The following TANGO6 variants were observed in gnomAD, a reference collection of about 807,000 sequenced individuals.
TANGO6 encodes the protein transport and golgi organization 6 homolog.
A neutral mutation model predicts 114.2 loss-of-function variants in TANGO6; 90 were observed. That is an observed-to-expected ratio of 0.79 (90% CI 0.66 to 0.94). The LOEUF is 0.94. Among genes scored for constraint, TANGO6 ranks in the 40% least tolerant of loss-of-function variants. The pLI is 0.00. For synonymous variants in TANGO6, 477 were observed against 509.8 expected (o/e 0.94, Z 0.87); for missense variants, 1,274 against 1,315.3 (o/e 0.97, Z 0.49).
intron 14 of TANGO6, chr16:68,948,250 T>G (rs1416328074): frequency 6.6e-6 from 1 of 152,216 alleles, no homozygotes; most frequent in African/African-American, 2.4e-5. Flanking sequence ...TGTTAGCTAT[T>G]TTCACTTTCC....
intron 4 of TANGO6, 38 bp from the exon 5 acceptor site, chr16:68,875,116 T>C (rs1296301333): frequency 3.7e-5 from 58 of 1,572,748 alleles, no homozygotes; most frequent in Non-Finnish European, 4.7e-5. Flanking sequence ...CTGTGGGGAA[T>C]TGCTGTGAGC....
At chr16:69,079,899 G>A (rs1448457819) in intron 17 of TANGO6, among the ~76,000 whole-genome samples, 5 of 152,152 alleles carry the variant, frequency 3.3e-5, no homozygotes, top group Non-Finnish European at 5.9e-5. Flanking sequence ...AGATATACTT[G>A]TACATGTCTG....
intron 17 of TANGO6, among the ~76,000 whole-genome samples, chr16:69,069,090 C>T (rs1038639243): frequency 6.6e-6 from 1 of 152,096 alleles, no homozygotes; most frequent in Non-Finnish European, 1.5e-5. Flanking sequence ...ATTTTATAGA[C>T]GAGATCACTG....
chr16:68,877,674 C>A (rs1962387166), intron 5 of TANGO6, among the ~76,000 whole-genome samples: 1 of 151,626 alleles, frequency 6.6e-6, no homozygotes, highest in Non-Finnish European at 1.5e-5. Context: ...GTGGCGCGAT[C>A]TCCGCTCACT....
At position 69,075,418 on chromosome 16, in the gene TANGO6, AACAGTAGAAACTCT is replaced by A. The variant is rs903006163; in HGVS notation, c.3109-8063_3109-8050del. The stretch of plus-strand genomic sequence containing the variant: ...TGCATATGTATTTCCTTCTTAGCAG[AACAGTAGAAACTCT>A]ACACAACACGAATTCAACTTTTATT... On this transcript the variant is annotated intron_variant, in intron 17 of 17. Transcript: ENST00000261778. 9.2e-5 allele frequency among the ~76,000 whole-genome samples: 14 copies of A among 152,040 alleles called. No homozygotes were observed. In the East Asian group the frequency reaches 1.5e-3, roughly 17 times the overall value.
intron 4 of TANGO6, among the ~76,000 whole-genome samples, chr16:68,870,856 C>T (rs1197658196): frequency 3.3e-5 from 5 of 151,394 alleles, no homozygotes; most frequent in Non-Finnish European, 5.9e-5. Context: ...TCTCGGCTCA[C>T]TGCAACCTCT....
intron 17 of TANGO6, among the ~76,000 whole-genome samples, chr16:69,051,939 T>C (rs996478294): frequency 2.6e-5 from 4 of 151,238 alleles, no homozygotes; most frequent in African/African-American, 9.7e-5. Context: ...TTTCTTTCTT[T>C]CTTTTTCTTT....
At chr16:68,898,813 A>G (rs531423802) in intron 7 of TANGO6, among the ~76,000 whole-genome samples, 1 of 152,150 alleles carries the variant, frequency 6.6e-6, no homozygotes, top group East Asian at 1.9e-4. Context: ...TTCTCTTTTT[A>G]CCATTATCAC....
chr16:68,891,103 C>T lies in TANGO6; in HGVS notation c.1378-9331C>T, dbSNP rs1044864975. Among the ~76,000 whole-genome samples the T allele has an allele frequency of 4.6e-5, 7 of 151,262 alleles. 1 individual carries two copies. ...GGTCAGGAGTTCAAGATCAGCCTGG[C>T]CAACGTGGTGAAACCCCATCTCTAC... On this transcript the variant is annotated intron_variant, in intron 7 of 17. Coordinates refer to ENST00000261778, the MANE Select transcript of TANGO6 (RefSeq NM_024562.2).
At chr16:69,033,006 T>G (rs1959623911) in intron 16 of TANGO6, among the ~76,000 whole-genome samples, 1 of 151,688 alleles carries the variant, frequency 6.6e-6, no homozygotes, top group Non-Finnish European at 1.5e-5. Context: ...GTCAACATGG[T>G]GAAACCCCAT....
intron 15 of TANGO6, among the ~76,000 whole-genome samples, chr16:68,985,570 G>A (rs1963881440): frequency 6.6e-6 from 1 of 152,042 alleles, no homozygotes; most frequent in Non-Finnish European, 1.5e-5. Flanking sequence ...AATTAGCTGG[G>A]GGTGTGGTGG....
At position 69,061,085 on chromosome 16, in the gene TANGO6, A is replaced by G. The variant is rs79190584; in HGVS notation, c.3108+20664A>G. Among the ~76,000 whole-genome samples, 67 of 152,304 alleles carry G rather than the reference A, an allele frequency of 4.4e-4. No homozygotes were observed. The East Asian group carries it at 0.013, about 29-fold the overall frequency. On this transcript the variant is annotated intron_variant, in intron 17 of 17. Coordinates refer to ENST00000261778, the MANE Select transcript of TANGO6 (RefSeq NM_024562.2). ...GTTTCCCAAGAGCAAAAGTTGCCTC[A>G]ACAAGTTTTCTTAAGATCTCTTAAG...
intron 12 of TANGO6, among the ~76,000 whole-genome samples, chr16:68,926,631 G>A (rs147303698): frequency 0.084 from 12,673 of 151,496 alleles, 591 homozygotes; most frequent in African/African-American, 0.13. Context: ...GGGTTTAAGC[G>A]ATTCTCCTGC....
chr16:68,982,629 C>CATTTTTTTTTTTTTTTTTTTTTT (rs1567553024), intron 15 of TANGO6, among the ~76,000 whole-genome samples: 1 of 120,536 alleles, frequency 8.3e-6, no homozygotes, highest in African/African-American at 4.0e-5. Context: ...CATGCCCTGG[C>CATTTTTTTTTTTTTTTTTTTTTT]CTTTTTTTTT....
At chr16:68,912,686 A>C (rs1962939983) in intron 11 of TANGO6, among the ~76,000 whole-genome samples, 1 of 152,010 alleles carries the variant, frequency 6.6e-6, no homozygotes, top group Non-Finnish European at 1.5e-5. Flanking sequence ...TAATGTAAAA[A>C]ATAGGGACTT....
At chr16:68,956,221 A>G (rs1011174395) in intron 14 of TANGO6, among the ~76,000 whole-genome samples, 4 of 152,226 alleles carry the variant, frequency 2.6e-5, no homozygotes, top group Non-Finnish European at 5.9e-5. Flanking sequence ...TAAAAGCATT[A>G]AAGAGCTCAT....
chr16:68,935,802 C>T (rs1007490449), intron 14 of TANGO6, among the ~76,000 whole-genome samples: 1 of 152,098 alleles, frequency 6.6e-6, no homozygotes, highest in Non-Finnish European at 1.5e-5. Flanking sequence ...AATATATTCT[C>T]AATGTTTTTA....
intron 15 of TANGO6, among the ~76,000 whole-genome samples, chr16:69,016,987 G>A (rs925254607): frequency 6.6e-6 from 1 of 152,174 alleles, no homozygotes; most frequent in African/African-American, 2.4e-5. Flanking sequence ...ATGACACATG[G>A]TTTCAACGTT....
intron 14 of TANGO6, among the ~76,000 whole-genome samples, chr16:68,940,073 C>T (rs1835068264): frequency 6.7e-6 from 1 of 150,304 alleles, no homozygotes; most frequent in African/African-American, 2.4e-5. Flanking sequence ...TCTTTCCCTT[C>T]TTTCCTTTCT....
Sources: allele counts gnomAD v4.1 joint callset (sites outside exome capture counted in the v4.1 genomes callset), GRCh38; gene constraint gnomAD v4.1.1; transcripts MANE v1.5; gene names NCBI Gene and HGNC (gene_info 2026-07-23, HGNC 2026-07-21).